Variants in SASH1 observed in about 807,000 individuals in gnomAD.
SASH1 encodes the protein SAM and SH3 domain containing 1.
In SASH1, 44 loss-of-function variants were observed where a neutral mutation model predicts 125.2. The ratio of observed to expected loss-of-function variants is 0.35; its 90% CI spans 0.28 to 0.45. The LOEUF is 0.45. Ranked by LOEUF, SASH1 falls within the 20% of genes least tolerant of loss-of-function variation. SASH1 has a pLI of 1.00. For synonymous variants in SASH1, 639 were observed against 649.1 expected (o/e 0.98, Z 0.24); for missense variants, 1,426 against 1,614.5 (o/e 0.88, Z 2.00).
the SASH1 span, among the ~76,000 whole-genome samples, chr6:148,238,782 T>G: frequency 3.3e-5 from 5 of 152,256 alleles, no homozygotes; most frequent in East Asian, 7.7e-4. Flanking sequence ...ATTTAATACA[T>G]CTACCCCACT....
At chr6:148,396,681 T>G (rs1215492330) in intron 2 of SASH1, among the ~76,000 whole-genome samples, 1 of 151,924 alleles carries the variant, frequency 6.6e-6, no homozygotes, top group Non-Finnish European at 1.5e-5. Context: ...CTCTCCAAGC[T>G]GGAGGAAGAG....
intron 8 of SASH1, among the ~76,000 whole-genome samples, chr6:148,503,340 G>T (rs1779638741): frequency 6.6e-6 from 1 of 152,140 alleles, no homozygotes; most frequent in Non-Finnish European, 1.5e-5. Flanking sequence ...TGTTAGACAT[G>T]TTAGAAATTT....
At chr6:148,466,248 C>T (rs1364273521) in intron 4 of SASH1, among the ~76,000 whole-genome samples, 1 of 152,168 alleles carries the variant, frequency 6.6e-6, no homozygotes, top group Non-Finnish European at 1.5e-5. Flanking sequence ...AGCGGTTTCT[C>T]CCCTGATTCT....
intron 1 of SASH1, among the ~76,000 whole-genome samples, chr6:148,290,024 T>G (rs1278522224): frequency 1.3e-5 from 2 of 151,736 alleles, no homozygotes; most frequent in East Asian, 4.0e-4. Context: ...TGCACCACCA[T>G]GTCCGGTTAA....
At chr6:148,513,260 C>T in intron 8 of SASH1, 1 of 985,396 alleles carries the variant, frequency 1.0e-6, no homozygotes, top group Non-Finnish European at 1.2e-6. Context: ...TCCTACTGTT[C>T]CATGAACTGG....
chr6:148,374,711 G>GT (rs1175531568), intron 1 of SASH1, among the ~76,000 whole-genome samples: 1 of 151,498 alleles, frequency 6.6e-6, no homozygotes, highest in East Asian at 2.0e-4. Flanking sequence ...TTTTGGGGGG[G>GT]GGGGAGATGG....
chr6:148,307,061 T>A (rs1780154566), intron 1 of SASH1, among the ~76,000 whole-genome samples: 1 of 147,034 alleles, frequency 6.8e-6, no homozygotes. Flanking sequence ...TCTTTCTTTC[T>A]TTCTTTCTTT....
chr6:148,455,984 C>T (rs1010767389), intron 4 of SASH1, among the ~76,000 whole-genome samples: 2 of 152,148 alleles, frequency 1.3e-5, no homozygotes, highest in Non-Finnish European at 2.9e-5. Flanking sequence ...AAAGCGGCAG[C>T]CCCAGGCCCC....
At chr6:148,424,719 T>C (rs565146396) in intron 2 of SASH1, among the ~76,000 whole-genome samples, 1 of 152,312 alleles carries the variant, frequency 6.6e-6, no homozygotes, top group Non-Finnish European at 1.5e-5. Context: ...TTTAGAGCAC[T>C]GAAAACCAGG....
At chr6:148,406,607 C>T (rs1784383956) in intron 2 of SASH1, among the ~76,000 whole-genome samples, 1 of 152,160 alleles carries the variant, frequency 6.6e-6, no homozygotes, top group Admixed American at 6.5e-5. Context: ...CAGGGTCTGG[C>T]CCCAAGAGAC....
chr6:148,318,540 T>C (rs929572580), intron 1 of SASH1, among the ~76,000 whole-genome samples: 14 of 147,420 alleles, frequency 9.5e-5, no homozygotes, highest in African/African-American at 3.2e-4. Flanking sequence ...TGTGGGCACA[T>C]ATACTACTAA....
intron 1 of SASH1, among the ~76,000 whole-genome samples, chr6:148,349,972 C>T (rs995698749): frequency 6.6e-6 from 1 of 151,736 alleles, no homozygotes; most frequent in Non-Finnish European, 1.5e-5. Flanking sequence ...CAGCCTCCTG[C>T]GCAGCTGGGA....
At chr6:148,273,972 G>A (rs1453363914) in intron 1 of SASH1, among the ~76,000 whole-genome samples, 1 of 152,220 alleles carries the variant, frequency 6.6e-6, no homozygotes, top group South Asian at 2.1e-4. Flanking sequence ...AACCTAGTGA[G>A]GCTTTGCTTG....
the SASH1 span, among the ~76,000 whole-genome samples, chr6:148,262,837 C>T: frequency 2.0e-5 from 3 of 152,022 alleles, no homozygotes; most frequent in African/African-American, 7.3e-5. Context: ...GAGCCAAGTG[C>T]GCTCCAGCCT....
At chr6:148,431,225 G>A (rs977885607) in intron 2 of SASH1, among the ~76,000 whole-genome samples, 2 of 151,894 alleles carry the variant, frequency 1.3e-5, no homozygotes, top group Non-Finnish European at 2.9e-5. Flanking sequence ...TTTTGAGACG[G>A]AGTCACTCTG....
chr6:148,194,604 C>A, the SASH1 span, among the ~76,000 whole-genome samples: 192 of 152,298 alleles, frequency 1.3e-3, 1 homozygote, highest in Non-Finnish European at 2.1e-3. Flanking sequence ...GTAGTCACTT[C>A]TATTCATTAA....
intron 8 of SASH1, among the ~76,000 whole-genome samples, chr6:148,506,554 T>C (rs1356201776): frequency 6.6e-6 from 1 of 152,174 alleles, no homozygotes; most frequent in Non-Finnish European, 1.5e-5. Flanking sequence ...AGGTACGCAG[T>C]ATTTAATACA....
At chr6:148,542,788 T>C (rs2115448285) in intron 17 of SASH1, among the ~76,000 whole-genome samples, 1 of 152,216 alleles carries the variant, frequency 6.6e-6, no homozygotes, top group South Asian at 2.1e-4. Context: ...GTGTGGAACA[T>C]ACAGGTGGAC....
chr6:148,427,797 C>A (rs962522120), intron 2 of SASH1, among the ~76,000 whole-genome samples: 2 of 152,168 alleles, frequency 1.3e-5, no homozygotes, highest in African/African-American at 4.8e-5. Flanking sequence ...ATTTCTGTTC[C>A]TGCCCTGGGT....
Sources: allele counts gnomAD v4.1 joint callset (sites outside exome capture counted in the v4.1 genomes callset), GRCh38; gene constraint gnomAD v4.1.1; transcripts MANE v1.5; gene names NCBI Gene and HGNC (gene_info 2026-07-23, HGNC 2026-07-21).